OLFM2: variants seen among roughly 807,000 people sequenced by gnomAD.
OLFM2 encodes the protein noelin-2.
OLFM2 carries 20 observed loss-of-function variants against 43.9 expected under a neutral mutation model. The ratio of observed to expected loss-of-function variants is 0.46; its 90% CI spans 0.32 to 0.66. The LOEUF (loss-of-function observed/expected upper bound fraction) is 0.66. Among genes scored for constraint, OLFM2 ranks in the 30% least tolerant of loss-of-function variants. The pLI is 0.04. For synonymous variants in OLFM2, 268 were observed against 278.6 expected (o/e 0.96, Z 0.38); for missense variants, 416 against 643.6 (o/e 0.65, Z 3.83).
At chr19:9,903,494 G>A (rs1429391933) in intron 1 of OLFM2, among the ~76,000 whole-genome samples, 3 of 152,268 alleles carry the variant, frequency 2.0e-5, no homozygotes, top group African/African-American at 4.8e-5. Context: ...TTGTTCAGCC[G>A]CCTGTATCCA....
chr19:9,933,755 C>A (rs1296843479), intron 1 of OLFM2, among the ~76,000 whole-genome samples: 1 of 151,840 alleles, frequency 6.6e-6, no homozygotes, highest in African/African-American at 2.4e-5. Flanking sequence ...CAGGGTTTCA[C>A]TATGTTGGCC....
chr19:9,923,135 A>G (rs1357252200), intron 1 of OLFM2, among the ~76,000 whole-genome samples: 1 of 152,106 alleles, frequency 6.6e-6, no homozygotes, highest in African/African-American at 2.4e-5. Flanking sequence ...CATGATTCGA[A>G]AATTCCAGAT....
chr19:9,908,667 C>T (rs545100861), intron 1 of OLFM2, among the ~76,000 whole-genome samples: 4 of 151,642 alleles, frequency 2.6e-5, no homozygotes, highest in South Asian at 4.2e-4. Context: ...TTAGTAGAGA[C>T]GGGGTTTCAC....
At chr19:9,917,551 T>C (rs1269563105) in intron 1 of OLFM2, among the ~76,000 whole-genome samples, 1 of 152,102 alleles carries the variant, frequency 6.6e-6, no homozygotes, top group African/African-American at 2.4e-5. Context: ...GAGGGTGTTT[T>C]CTGACAGTGG....
chr19:9,899,268 T>TAA (rs113154580), intron 1 of OLFM2, among the ~76,000 whole-genome samples: 1 of 143,482 alleles, frequency 7.0e-6, no homozygotes, highest in Non-Finnish European at 1.5e-5. Flanking sequence ...CCATCTCAAT[T>TAA]AAAAAAAAAA....
At chr19:9,887,685 A>C (rs1964291) in intron 1 of OLFM2, among the ~76,000 whole-genome samples, 143,111 of 151,846 alleles carry the variant, frequency 0.94, 67,904 homozygotes, top group Non-Finnish European at 1. Context: ...CTGTGAACAC[A>C]TGAATCACAC....
intron 1 of OLFM2, among the ~76,000 whole-genome samples, chr19:9,884,509 G>T (rs959063612): frequency 6.6e-6 from 1 of 152,040 alleles, no homozygotes; most frequent in African/African-American, 2.4e-5. Context: ...CCTGGGAGGT[G>T]GAGGTTGCAC....
At chr19:9,891,832 G>A (rs138008863) in intron 1 of OLFM2, among the ~76,000 whole-genome samples, 2 of 152,314 alleles carry the variant, frequency 1.3e-5, no homozygotes, top group East Asian at 3.9e-4. Flanking sequence ...AGACTGAGGT[G>A]TGGCACGTCT....
chr19:9,859,220 CCA>C (rs1190048350), intron 2 of OLFM2, among the ~76,000 whole-genome samples: 4 of 152,240 alleles, frequency 2.6e-5, no homozygotes, highest in African/African-American at 9.6e-5. Flanking sequence ...CTTCCCTTCT[CCA>C]CAGTTTCACG....
intron 2 of OLFM2, among the ~76,000 whole-genome samples, chr19:9,859,663 G>GTAAC (rs2046351901): frequency 6.6e-6 from 1 of 152,212 alleles, no homozygotes; most frequent in Non-Finnish European, 1.5e-5. Flanking sequence ...TTGAGGTGGA[G>GTAAC]GGTTAGACCC....
chr19:9,855,640 C>G (rs1599462003), intron 5 of OLFM2, among the ~76,000 whole-genome samples: 1 of 151,958 alleles, frequency 6.6e-6, no homozygotes, highest in Admixed American at 6.6e-5. Flanking sequence ...CTCAAGCAAT[C>G]CTCTCACCTC....
At chr19:9,898,551 A>T (rs908024478) in intron 1 of OLFM2, among the ~76,000 whole-genome samples, 2 of 151,558 alleles carry the variant, frequency 1.3e-5, no homozygotes, top group African/African-American at 4.8e-5. Context: ...GTGTGTGGAG[A>T]CTGGGTCTTG....
chr19:9,856,760 T>G lies in OLFM2; in HGVS notation c.687+47A>C. ...TAGGCACCTATGGGCAGTCAAAGGC[T>G]CTGTCCCTCCCAGGCCCTGACCCCA... On this transcript the variant is annotated intron_variant, in intron 5 of 5. Transcript: ENST00000264833. This position sits in a 1 kb window ranked among gnomAD's most constrained non-coding sequence, Gnocchi z 4.0. 1 of 1,499,094 alleles carries G rather than the reference T, an allele frequency of 6.7e-7. No homozygotes were observed. The highest frequency in any genetic ancestry group is 9.2e-7 in the Non-Finnish European group (1 of 1,085,646). The allele number at this position is 1,499,094 out of a possible 1,614,324, so 92.9% of individuals were successfully genotyped here.
intron 1 of OLFM2, among the ~76,000 whole-genome samples, chr19:9,883,141 G>A (rs2046555127): frequency 6.6e-6 from 1 of 150,902 alleles, no homozygotes; most frequent in Admixed American, 6.6e-5. Context: ...ATCCGGGGGT[G>A]GAGGTTACAG....
At chr19:9,909,686 C>T (rs151005744) in intron 1 of OLFM2, among the ~76,000 whole-genome samples, 3 of 152,296 alleles carry the variant, frequency 2.0e-5, no homozygotes, top group African/African-American at 7.2e-5. Context: ...TCAGCCTCCC[C>T]GACGTTGGGG....
chr19:9,873,621 CT>C (rs889921009), intron 1 of OLFM2, among the ~76,000 whole-genome samples: 2 of 151,752 alleles, frequency 1.3e-5, no homozygotes, highest in Admixed American at 6.6e-5. Flanking sequence ...CACCCTGATA[CT>C]TTTTTTATTT....
At position 9,856,981 on chromosome 19, in the gene OLFM2, G is replaced by A; in HGVS notation, c.581-68C>T. The A allele has an allele frequency of 7.9e-7, 1 of 1,271,676 alleles. No homozygotes were observed. The highest frequency in any genetic ancestry group is 1.1e-6 in the Non-Finnish European group (1 of 891,792). 78.8% of individuals were successfully genotyped at this position (1,271,676 alleles called of 1,614,324 possible). A position where few individuals can be genotyped will look rare whatever the true frequency, so the allele number is the denominator to read the frequency against. On this transcript the variant is annotated intron_variant, in intron 4 of 5. Coordinates refer to ENST00000264833, the MANE Select transcript of OLFM2 (RefSeq NM_058164.4). The surrounding 1 kb of genome is among the most constrained non-coding windows in gnomAD (Gnocchi z 4.0). ...AGCCCAAGAGAGGCCAGGCAAAGAT[G>A]AAGTGCTGTGATCAAGTTGGGAAAG...
intron 1 of OLFM2, among the ~76,000 whole-genome samples, chr19:9,866,162 G>C (rs1432773260): frequency 6.6e-6 from 1 of 152,200 alleles, no homozygotes; most frequent in Non-Finnish European, 1.5e-5. Flanking sequence ...GTAATTAAAT[G>C]CCTGGGTTTT....
intron 1 of OLFM2, among the ~76,000 whole-genome samples, chr19:9,862,808 C>G (rs2046373598): frequency 6.6e-6 from 1 of 151,966 alleles, no homozygotes; most frequent in Non-Finnish European, 1.5e-5. Flanking sequence ...AACCCCGTCT[C>G]TACTAAAAAT....
Sources: allele counts gnomAD v4.1 joint callset (sites outside exome capture counted in the v4.1 genomes callset), GRCh38; gene constraint gnomAD v4.1.1; non-coding constraint Gnocchi (gnomAD v3.1); transcripts MANE v1.5; gene names NCBI Gene and HGNC (gene_info 2026-07-23, HGNC 2026-07-21).